Variants in TTC4 observed in about 807,000 individuals in gnomAD.
TTC4 encodes the protein tetratricopeptide repeat domain 4, also known as hsp70/Hsp90 co-chaperone CNS1 homolog.
Under a neutral mutation model 51.9 loss-of-function variants are expected in TTC4, and 36 were observed. The ratio of observed to expected loss-of-function variants is 0.69; its 90% CI spans 0.53 to 0.92. The LOEUF is 0.92. TTC4 is among the 40% of genes least tolerant of loss of function. The pLI, the probability that TTC4 is intolerant of heterozygous loss-of-function variation, is 0.00. For synonymous variants in TTC4, 144 were observed against 164.2 expected (o/e 0.88, Z 0.94); for missense variants, 399 against 454.6 (o/e 0.88, Z 1.11).
chr1:54,734,347 T>C (rs11485529), intron 8 of TTC4, among the ~76,000 whole-genome samples: 18,134 of 151,738 alleles, frequency 0.12, 1,797 homozygotes, highest in African/African-American at 0.27. Context: ...GCTGGGATTA[T>C]AGGTGTGAGC....
intron 4 of TTC4, among the ~76,000 whole-genome samples, chr1:54,721,650 A>G (rs1337944941): frequency 3.3e-5 from 5 of 152,166 alleles, no homozygotes; most frequent in Non-Finnish European, 7.4e-5. Flanking sequence ...TGACCTTTCT[A>G]TGTAATAACA....
At chr1:54,725,676 C>T (rs1423022749) in intron 5 of TTC4, among the ~76,000 whole-genome samples, 1 of 152,068 alleles carries the variant, frequency 6.6e-6, no homozygotes, top group African/African-American at 2.4e-5. Flanking sequence ...TTTAAACCAG[C>T]TAATTTAAAT....
intron 8 of TTC4, among the ~76,000 whole-genome samples, chr1:54,736,153 G>A (rs1645929534): frequency 7.2e-6 from 1 of 138,038 alleles, no homozygotes; most frequent in Non-Finnish European, 1.5e-5. Flanking sequence ...GCTTGGGGGA[G>A]AAAGAGAGAG....
chr1:54,736,254 GA>G (rs1645939788), intron 8 of TTC4, among the ~76,000 whole-genome samples: 1 of 130,906 alleles, frequency 7.6e-6, no homozygotes, highest in South Asian at 2.5e-4. Flanking sequence ...GAGGAGAGAG[GA>G]GAGAGAGAGA....
intron 5 of TTC4, among the ~76,000 whole-genome samples, chr1:54,724,687 CAAA>C (rs1645779769): frequency 6.6e-6 from 1 of 152,046 alleles, no homozygotes. Flanking sequence ...CTTGACAACT[CAAA>C]GAAGGAAGAG....
intron 5 of TTC4, 50 bp from the exon 6 acceptor site, chr1:54,728,296 G>C: frequency 6.5e-7 from 1 of 1,548,918 alleles, no homozygotes; most frequent in Non-Finnish European, 8.8e-7. Context: ...TAGTGCAATA[G>C]AAGAGGAAGC....
At position 54,741,680 on chromosome 1, in the gene TTC4, G is replaced by T. The variant is rs1257919988; in HGVS notation, c.*167G>T. ...GAGGAGCCTCTGGCTTCCCTAAACT[G>T]CAGCCTCTCTGGCTGGTCTTCACTT... On this transcript the variant is annotated 3_prime_UTR_variant, in exon 10 of 10. Coordinates refer to ENST00000371281, the MANE Select transcript of TTC4 (RefSeq NM_004623.5). The T allele has an allele frequency of 3.2e-6, 2 of 623,248 alleles. No individual in the cohort carries two copies. The highest frequency in any genetic ancestry group is 5.6e-6 in the Non-Finnish European group (2 of 354,922). The allele number at this position is 623,248 out of a possible 1,614,324, so 38.6% of individuals were successfully genotyped here.
intron 1 of TTC4, 110 bp downstream of exon 1, chr1:54,716,129 G>A (rs1280947097): frequency 6.9e-6 from 6 of 874,026 alleles, no homozygotes; most frequent in Non-Finnish European, 9.1e-6. Flanking sequence ...GCTGCCAGCC[G>A]ATCGCTGGTT....
At chr1:54,731,390 C>A in intron 6 of TTC4, 96 bp from the exon 7 acceptor site, 1 of 1,110,100 alleles carries the variant, frequency 9.0e-7, no homozygotes, top group Non-Finnish European at 1.2e-6. Flanking sequence ...AAAAATTAGC[C>A]AGGCATTATG....
chr1:54,736,714 C>T lies in TTC4; in HGVS notation c.979-868C>T, dbSNP rs138529332. Reference sequence around the variant, plus strand: ...ATAGTTATTTGTTTGATCAGTTCCCCTCCTGTCATCACCACTGGCCCCTCT... The same window carrying T: ...ATAGTTATTTGTTTGATCAGTTCCCTTCCTGTCATCACCACTGGCCCCTCT... On this transcript the variant is annotated intron_variant, in intron 8 of 9. Transcript: ENST00000371281. The T allele has an allele frequency of 4.3e-3, 650 of 152,560 alleles. 4 individuals are homozygous for T. The highest frequency in any genetic ancestry group is 6.9e-3 in the Non-Finnish European group (473 of 68,082). 9.5% of individuals were successfully genotyped at this position (152,560 alleles called of 1,614,324 possible).
In TTC4 at chr1:54,741,327, C is replaced by T; in HGVS notation, c.1062-84C>T. 6.1e-6 allele frequency: 7 copies of T among 1,140,196 alleles called. No individual in the cohort carries two copies. In the South Asian group the frequency reaches 7.4e-5, roughly 12 times the overall value. 70.6% of individuals were successfully genotyped at this position (1,140,196 alleles called of 1,614,324 possible). On this transcript the variant is annotated intron_variant, in intron 9 of 9. Coordinates refer to ENST00000371281, the MANE Select transcript of TTC4 (RefSeq NM_004623.5). ...TCATGTTGACTCCCATCCAGAGGCTCACCTTGCATGTTGTTAGGAAGGTGC... is the reference window on the plus strand; with the variant it reads ...TCATGTTGACTCCCATCCAGAGGCTTACCTTGCATGTTGTTAGGAAGGTGC...
intron 8 of TTC4, chr1:54,736,843 C>T (rs1645950576): frequency 6.5e-6 from 1 of 152,786 alleles, no homozygotes; most frequent in Non-Finnish European, 1.5e-5. Context: ...TCTGACATCC[C>T]ACACTGCTCA....
At chr1:54,738,205 A>T (rs1017959005) in intron 9 of TTC4, among the ~76,000 whole-genome samples, 3 of 151,404 alleles carry the variant, frequency 2.0e-5, no homozygotes, top group Non-Finnish European at 4.4e-5. Context: ...CCGGTCAAAA[A>T]CTCCCATTTT....
At chr1:54,716,226 C>A (rs1645674150) in intron 1 of TTC4, 6 of 579,920 alleles carry the variant, frequency 1.0e-5, no homozygotes, top group Non-Finnish European at 1.9e-5. Context: ...CCTGTGACTC[C>A]ACCACTTAAC....
intron 5 of TTC4, among the ~76,000 whole-genome samples, chr1:54,723,827 T>G (rs919078224): frequency 6.6e-6 from 1 of 152,234 alleles, no homozygotes; most frequent in Non-Finnish European, 1.5e-5. Context: ...CTGTTATTAT[T>G]ACTGTTTTTA....
At chr1:54,741,336 T>C (rs1477883648) in intron 9 of TTC4, 75 bp from the exon 10 acceptor site, 10 of 1,191,796 alleles carry the variant, frequency 8.4e-6, no homozygotes, top group Non-Finnish European at 1.3e-5. Context: ...TCACCTTGCA[T>C]GTTGTTAGGA....
rs552489549 is a variant in TTC4, at chr1:54,737,426, G to A, written c.979-156G>A. 65 of 594,496 alleles carry A rather than the reference G, an allele frequency of 1.1e-4. No individual in the cohort carries two copies. The East Asian group carries it at 1.7e-3, about 15-fold the overall frequency. The allele number at this position is 594,496 out of a possible 1,614,324, so 36.8% of individuals were successfully genotyped here. On this transcript the variant is annotated intron_variant, in intron 8 of 9. Transcript: ENST00000371281. ...AGCCTCTTTTACAGTGGCATGGCGG[G>A]GGGGTACTAAATGCAAAGCACCCAG...
intron 3 of TTC4, 145 bp downstream of exon 3, chr1:54,717,798 T>C (rs973735527): frequency 8.6e-6 from 6 of 694,636 alleles, no homozygotes; most frequent in Non-Finnish European, 1.3e-5. Flanking sequence ...AACTCTGGTC[T>C]TCCAAGTTGA....
chr1:54,716,905 G>A (rs3737824), intron 2 of TTC4, among the ~76,000 whole-genome samples, 188 bp downstream of exon 2: 14,367 of 152,194 alleles, frequency 0.094, 969 homozygotes, highest in South Asian at 0.19. Flanking sequence ...ATAAGACACA[G>A]TTCCACCCTC....
Sources: gnomAD v4.1 joint callset for allele counts (sites outside exome capture counted in the v4.1 genomes callset) on GRCh38, gnomAD v4.1.1 for gene constraint, MANE v1.5 for transcripts, NCBI Gene and HGNC (gene_info 2026-07-23, HGNC 2026-07-21) for gene names.